The following NPHP1 variants were observed in gnomAD, a reference collection of about 807,000 sequenced individuals.
NPHP1 encodes nephrocystin-1.
NPHP1 carries 70 observed loss-of-function variants against 90.4 expected under a neutral mutation model. That is an observed-to-expected ratio of 0.77 (90% confidence interval 0.64 to 0.95). NPHP1 has a LOEUF of 0.95. NPHP1 is among the 40% of genes least tolerant of loss of function. The pLI, the probability that NPHP1 is intolerant of heterozygous loss-of-function variation, is 0.00. For missense variants in NPHP1, 764 were observed against 795.9 expected, an observed-to-expected ratio of 0.96 and a Z score of 0.48; for synonymous variants, 256 against 271.7, an observed-to-expected ratio of 0.94 and a Z score of 0.57.
intron 11 of NPHP1, among the ~76,000 whole-genome samples, chr2:110,158,030 C>G (rs992038003): frequency 1.3e-5 from 2 of 152,252 alleles, no homozygotes; most frequent in East Asian, 3.9e-4. Context: ...AAAATATTTT[C>G]TAATTTCCCA....
chr2:110,134,543 A>C (rs1052111558), intron 16 of NPHP1, among the ~76,000 whole-genome samples: 88 of 151,950 alleles, frequency 5.8e-4, no homozygotes, highest in Admixed American at 9.8e-4. Context: ...AAAAAAAAAA[A>C]AACTACAGGC....
chr2:110,168,298 A>C (rs1471474747), intron 6 of NPHP1, among the ~76,000 whole-genome samples, 154 bp downstream of exon 6: 1 of 152,118 alleles, frequency 6.6e-6, no homozygotes, highest in Non-Finnish European at 1.5e-5. Flanking sequence ...ATTAATACAC[A>C]ATGTTTTTCC....
chr2:110,176,545 C>G (rs1248402278), intron 4 of NPHP1, among the ~76,000 whole-genome samples: 1 of 152,080 alleles, frequency 6.6e-6, no homozygotes, highest in East Asian at 1.9e-4. Context: ...CATTACATGA[C>G]TCACTTACAG....
intron 7 of NPHP1, 85 bp downstream of exon 7, chr2:110,164,967 A>G: frequency 9.0e-7 from 1 of 1,110,768 alleles, no homozygotes; most frequent in East Asian, 2.6e-5. Context: ...CCATTTCAAG[A>G]AAGTATTGAA....
chr2:110,135,659 T>A lies in NPHP1; in HGVS notation c.1530-3868A>T, dbSNP rs190560532. 1.2e-3 allele frequency among the ~76,000 whole-genome samples: 177 copies of A among 152,122 alleles called. 1 individual carries two copies. Among genetic ancestry groups the A allele is most frequent in the African/African-American group, 4.2e-3 (174 of 41,520 alleles). On this transcript the variant is annotated intron_variant, in intron 16 of 19. Transcript: ENST00000445609. ...TTTAGAAATATATAAACTCTGTCAT[T>A]AAGCATGAGGAAGGACCATATAGAA... is the stretch of plus-strand genomic sequence containing the variant.
At chr2:110,154,757 G>A (rs182676483) in intron 11 of NPHP1, among the ~76,000 whole-genome samples, 1 of 152,184 alleles carries the variant, frequency 6.6e-6, no homozygotes, top group African/African-American at 2.4e-5. Flanking sequence ...TTTCTAAGTA[G>A]CAAAGCACTC....
rs1289537117 is a variant in NPHP1, at chr2:110,143,486, G to T, written c.1529+56C>A. On this transcript the variant is annotated intron_variant, in intron 16 of 19. Coordinates refer to ENST00000445609, the MANE Select transcript of NPHP1 (RefSeq NM_001128178.3). ...TGAGGAAAAGCCAAAAGCAGAGATGGTCTCCAAGTGCTGAATGATCCCAAA... is the reference window on the plus strand; with the variant it reads ...TGAGGAAAAGCCAAAAGCAGAGATGTTCTCCAAGTGCTGAATGATCCCAAA... 4.3e-6 allele frequency: 5 copies of T among 1,151,652 alleles called. No individual in the cohort carries two copies. In the East Asian group the frequency reaches 7.0e-5, roughly 16 times the overall value. The allele number at this position is 1,151,652 out of a possible 1,614,324, so 71.3% of individuals were successfully genotyped here.
At chr2:110,166,143 A>G (rs1682712764) in intron 6 of NPHP1, among the ~76,000 whole-genome samples, 1 of 152,206 alleles carries the variant, frequency 6.6e-6, no homozygotes, top group Admixed American at 6.5e-5. Context: ...ACTGATTGTT[A>G]GAGGTGGGAG....
At chr2:110,131,649 G>T in intron 17 of NPHP1, 30 bp downstream of exon 17, 1 of 1,261,334 alleles carries the variant, frequency 7.9e-7, no homozygotes, top group Non-Finnish European at 1.2e-6. Context: ...AAGCATTACT[G>T]CACATAAGGA....
rs1422746387 is a variant in NPHP1, at chr2:110,164,624, T to C, written c.771+64A>G. 5 of 1,612,410 alleles carry C rather than the reference T, an allele frequency of 3.1e-6. No individual in the cohort carries two copies. Among genetic ancestry groups the C allele is most frequent in the Non-Finnish European group, 4.2e-6 (5 of 1,178,542 alleles). On this transcript the variant is annotated intron_variant, in intron 8 of 19. Coordinates refer to ENST00000445609, the MANE Select transcript of NPHP1 (RefSeq NM_001128178.3). Reference sequence around the variant, plus strand: ...TTGGTGTCTTCCACAGTCTCCATCCTATTTCGCATCAGAACTATTAGGTAG... The same window carrying C: ...TTGGTGTCTTCCACAGTCTCCATCCCATTTCGCATCAGAACTATTAGGTAG...
intron 19 of NPHP1, chr2:110,124,654 T>G: frequency 5.6e-6 from 1 of 178,876 alleles, no homozygotes; most frequent in East Asian, 1.3e-4. Context: ...GGTGGGAATC[T>G]CAGAGAGCAC....
intron 8 of NPHP1, 122 bp from the exon 9 acceptor site, chr2:110,163,257 A>G (rs139001080): frequency 2.7e-6 from 2 of 749,314 alleles, no homozygotes; most frequent in Non-Finnish European, 4.7e-6. Flanking sequence ...ACTTTAGTGG[A>G]AGAATAATAC....
chr2:110,188,877 A>C lies in NPHP1; in HGVS notation c.144-9193T>G, dbSNP rs1013713681. The stretch of plus-strand genomic sequence containing the variant: ...AACCATCTGATCTTTGACAAACCTG[A>C]CAAAAACAAGCAATGCGGAAAGGGC... On this transcript the variant is annotated intron_variant, in intron 2 of 19. Coordinates refer to ENST00000445609, the MANE Select transcript of NPHP1 (RefSeq NM_001128178.3). Among the ~76,000 whole-genome samples the C allele has an allele frequency of 3.9e-5, 6 of 152,304 alleles. 1 individual carries two copies. The South Asian group carries it at 6.2e-4, about 16-fold the overall frequency.
intron 9 of NPHP1, 43 bp from the exon 10 acceptor site, chr2:110,161,740 A>C: frequency 7.0e-7 from 1 of 1,436,112 alleles, no homozygotes. Context: ...AAAGAAAGAA[A>C]CTCCAAATCA....
At chr2:110,172,674 C>A (rs913015811) in intron 4 of NPHP1, among the ~76,000 whole-genome samples, 8 of 151,966 alleles carry the variant, frequency 5.3e-5, no homozygotes, top group African/African-American at 1.9e-4. Flanking sequence ...CTCAGCTACT[C>A]AGGGAGGCGG....
intron 9 of NPHP1, among the ~76,000 whole-genome samples, chr2:110,161,966 T>A (rs1465293017): frequency 2.0e-5 from 3 of 152,126 alleles, no homozygotes; most frequent in Non-Finnish European, 4.4e-5. Context: ...ATGACAAGGA[T>A]TCATTCAAAT....
chr2:110,155,304 G>A (rs1013597803), intron 11 of NPHP1, among the ~76,000 whole-genome samples: 1 of 152,198 alleles, frequency 6.6e-6, no homozygotes, highest in African/African-American at 2.4e-5. Context: ...TGCTGCAGGG[G>A]CGGGGCTCTC....
intron 16 of NPHP1, among the ~76,000 whole-genome samples, chr2:110,136,458 A>T (rs1680210038): frequency 6.6e-6 from 1 of 152,212 alleles, no homozygotes; most frequent in African/African-American, 2.4e-5. Flanking sequence ...TTAAGCTGAT[A>T]GGCAACTTCA....
At chr2:110,154,825 G>A (rs1244242118) in intron 11 of NPHP1, among the ~76,000 whole-genome samples, 2 of 152,132 alleles carry the variant, frequency 1.3e-5, no homozygotes, top group African/African-American at 4.8e-5. Flanking sequence ...GGAGCATAAA[G>A]GTTTGGAAAG....
Sources: gnomAD v4.1 joint callset for allele counts (sites outside exome capture counted in the v4.1 genomes callset) on GRCh38, gnomAD v4.1.1 for gene constraint, MANE v1.5 for transcripts, NCBI Gene and HGNC (gene_info 2026-07-23, HGNC 2026-07-21) for gene names.